Variants in RNF126 observed in about 807,000 individuals in gnomAD.
The protein encoded by RNF126 is E3 ubiquitin-protein ligase RNF126.
RNF126 carries 20 observed loss-of-function variants against 41.9 expected under a neutral mutation model. The observed-to-expected ratio is 0.48, with a 90% CI of 0.34 to 0.69. The LOEUF (loss-of-function observed/expected upper bound fraction) is 0.69. RNF126 is among the 30% of genes least tolerant of loss of function. RNF126 has a pLI of 0.01. For synonymous variants in RNF126, 239 were observed against 202.9 expected (o/e 1.18, Z -1.51); for missense variants, 433 against 460.6 (o/e 0.94, Z 0.55).
At chr19:648,619 C>A in intron 7 of RNF126, 132 bp from the exon 8 acceptor site, 1 of 741,472 alleles carries the variant, frequency 1.3e-6, no homozygotes, top group Non-Finnish European at 2.2e-6. Context: ...TGTGTGTGTC[C>A]CCCGGGCTGC....
Position 647,760 on chromosome 19 carries a change from G to T in RNF126, c.*368C>A. 2.9e-6 allele frequency: 1 copy of T among 345,292 alleles called. No individual in the cohort carries two copies. The highest frequency in any genetic ancestry group is 5.6e-6 in the Non-Finnish European group (1 of 178,576). The allele number at this position is 345,292 out of a possible 1,614,324, so 21.4% of individuals were successfully genotyped here. A position where few individuals can be genotyped will look rare whatever the true frequency, so the allele number is the denominator to read the frequency against. On this transcript the variant is annotated 3_prime_UTR_variant, in exon 9 of 9. Transcript: ENST00000292363. ...GCTGAACCCCGTGCTTCAGCGCTGG[G>T]GGAGCCGCTGGGCCCCGTCTTCCGC...
intron 1 of RNF126, among the ~76,000 whole-genome samples, chr19:658,587 G>A (rs931483527): frequency 1.3e-5 from 2 of 152,192 alleles, no homozygotes; most frequent in African/African-American, 4.8e-5. Flanking sequence ...GGCACGTGCG[G>A]CGCCTGCACC....
In RNF126 at chr19:651,872, G is replaced by T; in HGVS notation, c.199-17C>A. ...GTCCACGTGCTGGGGAGAGGAGGGG[G>T]GCGTGACCTCGGGGGCTCAGGCCCG... On this transcript the variant is annotated splice_polypyrimidine_tract_variant and intron_variant, in intron 3 of 8. Coordinates refer to ENST00000292363, the MANE Select transcript of RNF126 (RefSeq NM_194460.3). 6.3e-7 allele frequency: 1 copy of T among 1,598,552 alleles called. No homozygotes were observed.
At position 651,668 on chromosome 19, in the gene RNF126, G is replaced by T; in HGVS notation, c.386C>A (p.Ala129Asp). The T allele has an allele frequency of 1.3e-6, 2 of 1,560,496 alleles. No homozygotes were observed. The highest frequency in any genetic ancestry group is 1.7e-6 in the Non-Finnish European group (2 of 1,153,074). ...GGTGGCCCGCCGCGTGGTGAGGCGG[G>T]CGCGGGGCTGTCGGGCGCCGTACCG... ...RHRYGARQPR[A>D]RLTTRRATGR... The change falls in exon 4 of 9, where the codon GCC becomes GAC. Residue 129 changes from alanine (A) to aspartate (D), a missense_variant. By Grantham distance (126) the Ala-to-Asp change is moderately radical. Around this residue, in one of 5 missense-constraint regions of RNF126, gnomAD observed 247 missense variants for 224.7 expected, o/e 1.10. Transcript: ENST00000292363.
Position 648,289 on chromosome 19 carries a change from C to T in RNF126, c.787-12G>A. 3 of 1,457,128 alleles carry T rather than the reference C, an allele frequency of 2.1e-6. No homozygotes were observed. The highest frequency in any genetic ancestry group is 2.7e-6 in the Non-Finnish European group (3 of 1,091,946). The allele number at this position is 1,457,128 out of a possible 1,614,324, so 90.3% of individuals were successfully genotyped here. A position where few individuals can be genotyped will look rare whatever the true frequency, so the allele number is the denominator to read the frequency against. On this transcript the variant is annotated splice_polypyrimidine_tract_variant and intron_variant, in intron 8 of 8. Transcript: ENST00000292363. Reference sequence around the variant, plus strand: ...GGGCAGCTGTCGTGCTTTGTGGGGACAGAGGCAGGGACGGGAGAAGGGGCA... The same window carrying T: ...GGGCAGCTGTCGTGCTTTGTGGGGATAGAGGCAGGGACGGGAGAAGGGGCA...
At position 651,673 on chromosome 19, in the gene RNF126, G is replaced by T. The variant is rs1411403000; in HGVS notation, c.381C>A (p.Pro127=). 1.3e-6 allele frequency: 2 copies of T among 1,567,456 alleles called. No homozygotes were observed. The highest frequency in any genetic ancestry group is 1.7e-6 in the Non-Finnish European group (2 of 1,157,332). ...PSRHRYGARQ[P]RARLTTRRAT... ...CCCGCCGCGTGGTGAGGCGGGCGCG[G>T]GGCTGTCGGGCGCCGTACCGGTGCC... Residue 127 remains proline, a synonymous_variant, in exon 4 of 9, where the codon CCC becomes CCA. Coordinates refer to ENST00000292363, the MANE Select transcript of RNF126 (RefSeq NM_194460.3).
chr19:656,001 A>C (rs1219725232), intron 1 of RNF126, among the ~76,000 whole-genome samples: 1 of 151,902 alleles, frequency 6.6e-6, no homozygotes, highest in Non-Finnish European at 1.5e-5. Flanking sequence ...CGAGCCACAG[A>C]GACAGAGAGG....
Position 663,093 on chromosome 19 carries a change from C to T in RNF126, c.29G>A (p.Arg10Gln). ...CACGGAGCAGCAGTGGCAGAAGTAC[C>T]GTCCGGGATGCGGCGACGCCTCGGC... is the stretch of plus-strand genomic sequence containing the variant. MAEASPHPG[R>Q]YFCHCCSVEI... Residue 10 changes from arginine (R) to glutamine (Q), a missense_variant, in exon 1 of 9, where the codon CGG becomes CAG. Coordinates refer to ENST00000292363, the MANE Select transcript of RNF126 (RefSeq NM_194460.3). 1.5e-6 allele frequency: 2 copies of T among 1,351,714 alleles called. No individual in the cohort carries two copies. The highest frequency in any genetic ancestry group is 1.9e-6 in the Non-Finnish European group (2 of 1,045,512). The allele number at this position is 1,351,714 out of a possible 1,614,324, so 83.7% of individuals were successfully genotyped here. A position where few individuals can be genotyped will look rare whatever the true frequency, so the allele number is the denominator to read the frequency against.
intron 4 of RNF126, 167 bp from the exon 5 acceptor site, chr19:650,463 G>T: frequency 1.7e-6 from 1 of 593,198 alleles, no homozygotes; most frequent in Non-Finnish European, 2.9e-6. Flanking sequence ...TAATGCCGAG[G>T]CAGGAGAGAA....
chr19:662,250 C>T (rs1568196430), intron 1 of RNF126, among the ~76,000 whole-genome samples: 1 of 152,252 alleles, frequency 6.6e-6, no homozygotes, highest in Non-Finnish European at 1.5e-5. Context: ...CTTCAACGAG[C>T]GCTGCTCCCA....
chr19:654,922 A>G (rs146573278), intron 1 of RNF126, among the ~76,000 whole-genome samples: 116 of 151,908 alleles, frequency 7.6e-4, no homozygotes, highest in Non-Finnish European at 1.5e-3. Context: ...AGCCGAGATC[A>G]TGACATTGTA....
chr19:651,116 G>A (rs545524116), intron 4 of RNF126, among the ~76,000 whole-genome samples: 3 of 147,334 alleles, frequency 2.0e-5, no homozygotes, highest in Non-Finnish European at 3.0e-5. Flanking sequence ...GCCCTGCGAC[G>A]GCTCCCCCAG....
At position 648,348 on chromosome 19, in the gene RNF126, GGGGCGGGT is replaced by G; in HGVS notation, c.786+16_786+23del. On this transcript the variant is annotated intron_variant, in intron 8 of 8. Coordinates refer to ENST00000292363, the MANE Select transcript of RNF126 (RefSeq NM_194460.3). Reference sequence around the variant, plus strand: ...GCGGGAGGGCCGCGGTCGGGGTGGGGGGGCGGGTGGGCGGGGCACTCACCTGCTCCAGC... The same window carrying G: ...GCGGGAGGGCCGCGGTCGGGGTGGGGGGGCGGGGCACTCACCTGCTCCAGC... The G allele has an allele frequency of 1.2e-5, 7 of 581,218 alleles. No individual in the cohort carries two copies. Among genetic ancestry groups the G allele is most frequent in the Non-Finnish European group, 1.7e-5 (6 of 345,630 alleles). The allele number at this position is 581,218 out of a possible 1,614,324, so 36.0% of individuals were successfully genotyped here.
At chr19:654,107 G>A (rs935370668) in intron 1 of RNF126, among the ~76,000 whole-genome samples, 6 of 152,250 alleles carry the variant, frequency 3.9e-5, no homozygotes, top group Non-Finnish European at 7.3e-5. Context: ...GGGGAGGGCC[G>A]ACAGCTGGGC....
In RNF126 at chr19:658,743, C is replaced by T. The variant is rs142744250; in HGVS notation, c.75+4304G>A. On this transcript the variant is annotated intron_variant, in intron 1 of 8. Coordinates refer to ENST00000292363, the MANE Select transcript of RNF126 (RefSeq NM_194460.3). ...GCCTCAGCCCAGGCTGGGGCCCCGC[C>T]TCACACCCCAGGGCGTGCCTCGGCC... is the stretch of plus-strand genomic sequence containing the variant. Among the ~76,000 whole-genome samples, 732 of 152,318 alleles carry T rather than the reference C, an allele frequency of 4.8e-3. 4 individuals are homozygous for T. Among genetic ancestry groups the T allele is most frequent in the Non-Finnish European group, 7.5e-3 (509 of 68,026 alleles).
chr19:657,385 C>T (rs931338190), intron 1 of RNF126, among the ~76,000 whole-genome samples: 10 of 152,258 alleles, frequency 6.6e-5, no homozygotes, highest in African/African-American at 2.4e-4. Flanking sequence ...GCCACCCGCA[C>T]TGCCGGCTCA....
intron 1 of RNF126, among the ~76,000 whole-genome samples, 159 bp downstream of exon 1, chr19:662,888 C>A (rs2030871246): frequency 6.6e-6 from 1 of 152,090 alleles, no homozygotes; most frequent in Non-Finnish European, 1.5e-5. Context: ...CCGGGCTCCC[C>A]GCGGATTCAG....
intron 2 of RNF126, 87 bp downstream of exon 2, chr19:652,739 C>A (rs12973146): frequency 1.8e-5 from 23 of 1,248,022 alleles, no homozygotes; most frequent in Non-Finnish European, 2.6e-5. Flanking sequence ...CCACACTCGG[C>A]GGGGCGGACG....
intron 1 of RNF126, among the ~76,000 whole-genome samples, chr19:655,786 A>ATCG (rs1378931444): frequency 3.9e-4 from 60 of 152,260 alleles, no homozygotes; most frequent in African/African-American, 1.4e-3. Flanking sequence ...ACAGTTCATC[A>ATCG]TCGTCGTCGG....
Sources: gnomAD v4.1 joint callset for allele counts (sites outside exome capture counted in the v4.1 genomes callset) on GRCh38, gnomAD v4.1.1 for gene constraint, gnomAD v4.1.1 regional missense constraint, MANE v1.5 for transcripts, NCBI Gene and HGNC (gene_info 2026-07-23, HGNC 2026-07-21) for gene names.